Variants in NRG1 observed in about 807,000 individuals in gnomAD.
NRG1 encodes the protein neuregulin 1.
NRG1 carries 18 observed loss-of-function variants against 63.8 expected under a neutral mutation model. That is an observed-to-expected ratio of 0.28 (90% CI 0.19 to 0.42). NRG1 has a LOEUF of 0.42. Among genes scored for constraint, NRG1 ranks in the 10% least tolerant of loss-of-function variants. The pLI is 1.00. For synonymous variants in NRG1, 302 were observed against 301.3 expected (o/e 1.00, Z -0.02); for missense variants, 762 against 814.7 (o/e 0.94, Z 0.79).
intron 1 of NRG1, among the ~76,000 whole-genome samples, chr8:31,669,391 C>A (rs989678637): frequency 6.6e-6 from 1 of 152,100 alleles, no homozygotes; most frequent in African/African-American, 2.4e-5. Flanking sequence ...GCATGTGCCA[C>A]CATGCCCGGC....
chr8:31,963,719 T>G (rs573980390), intron 1 of NRG1, among the ~76,000 whole-genome samples: 33 of 152,246 alleles, frequency 2.2e-4, no homozygotes, highest in African/African-American at 7.7e-4. Context: ...TTCTGCTTGG[T>G]GAAACAATCA....
At chr8:32,191,299 C>T (rs139362108) in intron 1 of NRG1, among the ~76,000 whole-genome samples, 13 of 152,092 alleles carry the variant, frequency 8.5e-5, no homozygotes, top group Middle Eastern at 3.4e-3. Flanking sequence ...TGGCCAGGCT[C>T]GAACTCCTAA....
chr8:32,154,032 GGTGAAGCTTT>G (rs1321576900), intron 1 of NRG1, among the ~76,000 whole-genome samples: 1 of 152,100 alleles, frequency 6.6e-6, no homozygotes, highest in African/African-American at 2.4e-5. Flanking sequence ...CAGATTCTTT[GGTGAAGCTTT>G]GTTCATCTGA....
chr8:31,972,578 T>G lies in NRG1; in HGVS notation c.37+333147T>G, dbSNP rs556169425. Among the ~76,000 whole-genome samples, 6 of 152,308 alleles carry G rather than the reference T, an allele frequency of 3.9e-5. No individual in the cohort carries two copies. In the East Asian group the frequency reaches 1.2e-3, roughly 29 times the overall value. ...CTATTTGCAAGCTTCCTAGGCTTCA[T>G]TTTTAGGACCCCAATGTTGATCACT... is the stretch of plus-strand genomic sequence containing the variant. On this transcript the variant is annotated intron_variant, in intron 1 of 10. Transcript: ENST00000519301.
chr8:32,229,329 G>A (rs113572293), intron 1 of NRG1, among the ~76,000 whole-genome samples: 3 of 152,154 alleles, frequency 2.0e-5, no homozygotes, highest in Non-Finnish European at 4.4e-5. Flanking sequence ...ATTTACCAGG[G>A]CAGCTTTAAA....
intron 1 of NRG1, among the ~76,000 whole-genome samples, chr8:31,688,379 C>G (rs945510225): frequency 6.6e-6 from 1 of 152,130 alleles, no homozygotes; most frequent in Non-Finnish European, 1.5e-5. Context: ...TGAGAAGGAA[C>G]CATCTGTGAG....
chr8:32,376,678 C>A (rs1809671925), intron 1 of NRG1, among the ~76,000 whole-genome samples: 1 of 152,162 alleles, frequency 6.6e-6, no homozygotes, highest in Non-Finnish European at 1.5e-5. Context: ...AGGAGAATTG[C>A]AAATGGAGAG....
chr8:31,748,185 C>A (rs1020328232), intron 1 of NRG1, among the ~76,000 whole-genome samples: 2 of 151,870 alleles, frequency 1.3e-5, no homozygotes, highest in African/African-American at 4.8e-5. Flanking sequence ...TTGGTTTTAG[C>A]TTATAGATGA....
At chr8:32,389,357 T>C (rs1192321250) in intron 1 of NRG1, among the ~76,000 whole-genome samples, 2 of 152,222 alleles carry the variant, frequency 1.3e-5, no homozygotes, top group Non-Finnish European at 1.5e-5. Context: ...TTTGCAGAAC[T>C]GGGTTCAACC....
chr8:31,866,414 T>A lies in NRG1; in HGVS notation c.37+226983T>A, dbSNP rs189475128. On this transcript the variant is annotated intron_variant, in intron 1 of 10. Transcript: ENST00000519301. ...AGAACCAAAAGCAGTTTTTAAACGA[T>A]AATCTTTTTTTATTTTTTTACTATT... Among the ~76,000 whole-genome samples the A allele has an allele frequency of 2.8e-4, 43 of 152,272 alleles. 1 individual carries two copies. The highest frequency in any genetic ancestry group is 2.7e-3 in the Admixed American group (42 of 15,282).
chr8:32,227,648 CAT>C (rs1335791358), intron 1 of NRG1, among the ~76,000 whole-genome samples: 1 of 152,142 alleles, frequency 6.6e-6, no homozygotes. Context: ...TTACTTTTCA[CAT>C]GAGTCAAGTT....
intron 1 of NRG1, among the ~76,000 whole-genome samples, chr8:32,352,584 T>C (rs1222833340): frequency 6.6e-6 from 1 of 152,110 alleles, no homozygotes; most frequent in African/African-American, 2.4e-5. Context: ...CAGGAATACT[T>C]CATACTGTAA....
At chr8:31,887,639 T>C (rs1256958031) in intron 1 of NRG1, among the ~76,000 whole-genome samples, 1 of 152,074 alleles carries the variant, frequency 6.6e-6, no homozygotes, top group Non-Finnish European at 1.5e-5. Context: ...TTCAAAATGA[T>C]TCATGTCTTA....
At chr8:31,646,181 A>T (rs1466905791) in intron 1 of NRG1, among the ~76,000 whole-genome samples, 1 of 152,206 alleles carries the variant, frequency 6.6e-6, no homozygotes, top group Non-Finnish European at 1.5e-5. Context: ...TCTAGTTCAG[A>T]GGCTTTCTCT....
intron 1 of NRG1, among the ~76,000 whole-genome samples, chr8:32,282,539 A>G (rs1039521125): frequency 4.6e-5 from 7 of 152,140 alleles, no homozygotes; most frequent in Non-Finnish European, 8.8e-5. Context: ...ATTGCTTCCA[A>G]TGAGAGGTGG....
chr8:32,476,003 C>A (rs1014006785), intron 1 of NRG1, among the ~76,000 whole-genome samples: 1 of 151,880 alleles, frequency 6.6e-6, no homozygotes, highest in African/African-American at 2.4e-5. Context: ...CCTATCTTGC[C>A]GAAGAGTAGT....
chr8:32,481,577 T>TG (rs757349689), intron 1 of NRG1, among the ~76,000 whole-genome samples: 2 of 152,236 alleles, frequency 1.3e-5, no homozygotes, highest in Non-Finnish European at 2.9e-5. Context: ...ATGGACCTAA[T>TG]GGTCAAACTG....
intron 1 of NRG1, among the ~76,000 whole-genome samples, chr8:31,783,282 G>A (rs183395786): frequency 1.4e-3 from 217 of 152,234 alleles, no homozygotes; most frequent in Non-Finnish European, 1.5e-3. Flanking sequence ...CAACACATAT[G>A]TTTGCAAATA....
intron 1 of NRG1, among the ~76,000 whole-genome samples, chr8:31,842,599 C>T (rs1233970355): frequency 6.6e-6 from 1 of 152,154 alleles, no homozygotes. Context: ...CCACTCCTTC[C>T]TGCACTTTTA....
Sources: gnomAD v4.1 joint callset for allele counts (sites outside exome capture counted in the v4.1 genomes callset) on GRCh38, gnomAD v4.1.1 for gene constraint, MANE v1.5 for transcripts, NCBI Gene and HGNC (gene_info 2026-07-23, HGNC 2026-07-21) for gene names.